The following POTEI variants were observed in gnomAD, a reference collection of about 807,000 sequenced individuals.
The protein encoded by POTEI is POTE ankyrin domain family member I, also known as POTE ankyrin domain family, member I.
In POTEI, 14 loss-of-function variants were observed where a neutral mutation model predicts 43.4. The observed-to-expected ratio is 0.32, with a 90% CI of 0.21 to 0.50. POTEI has a LOEUF of 0.50. POTEI is among the 20% of genes least tolerant of loss of function. POTEI has a pLI of 0.98. For missense variants in POTEI, 235 were observed against 795.4 expected, an observed-to-expected ratio of 0.30 and a Z score of 8.47; for synonymous variants, 95 against 297.9, an observed-to-expected ratio of 0.32 and a Z score of 7.01.
chr2:130,483,816 C>T (rs1213283741), intron 9 of POTEI, among the ~76,000 whole-genome samples: 7 of 150,294 alleles, frequency 4.7e-5, no homozygotes, highest in Non-Finnish European at 7.4e-5. Flanking sequence ...CTCCTGACCT[C>T]GTGATCCGCC....
chr2:130,468,610 C>T (rs1356074766), intron 13 of POTEI, among the ~76,000 whole-genome samples: 239 of 151,848 alleles, frequency 1.6e-3, no homozygotes, highest in African/African-American at 5.5e-3. Context: ...GAAACCGACC[C>T]CATGAGCCAA....
In POTEI at chr2:130,508,911, A is replaced by G. The variant is rs756198022; in HGVS notation, c.325T>C (p.Cys109Arg). ...ACGTTGCTCTTGCCGCTCCCCCTGC[A>G]GCAGGGGAAGCAGTGGCAGCACCAC... Reference protein sequence around the residue: ...GKWCCHCFPCCRGSGKSNVGA... With the variant: ...GKWCCHCFPCRRGSGKSNVGA... Residue 109 changes from cysteine (C) to arginine (R), a missense_variant, in exon 1 of 15, where the codon TGC (cysteine) becomes CGC (arginine). Cys to Arg is a radical substitution (Grantham distance 180, BLOSUM62 -3). Transcript: ENST00000451531. The G allele has an allele frequency of 2.5e-6, 4 of 1,594,104 alleles. No individual in the cohort carries two copies. The Admixed American group carries it at 6.9e-5, about 27-fold the overall frequency.
At chr2:130,487,941 T>A (rs1167363076) in intron 9 of POTEI, 91 bp downstream of exon 9, 1 of 574,452 alleles carries the variant, frequency 1.7e-6, no homozygotes, top group Non-Finnish European at 2.8e-6. Flanking sequence ...CTAGTAAAAC[T>A]ATAAAATTTG....
chr2:130,495,130 TTC>T (rs1369194758), intron 6 of POTEI, among the ~76,000 whole-genome samples: 4 of 48,146 alleles, frequency 8.3e-5, no homozygotes, highest in African/African-American at 1.8e-4. Flanking sequence ...AGAAAAATTC[TTC>T]TCTCTCTGCA....
intron 13 of POTEI, among the ~76,000 whole-genome samples, chr2:130,468,994 T>C (rs1376854587): frequency 6.7e-6 from 1 of 150,274 alleles, no homozygotes; most frequent in Non-Finnish European, 1.5e-5. Flanking sequence ...TATACATACA[T>C]GAACTGACAA....
intron 13 of POTEI, among the ~76,000 whole-genome samples, chr2:130,467,863 T>C (rs2579437): frequency 7.5e-4 from 105 of 139,276 alleles, no homozygotes; most frequent in African/African-American, 2.3e-3. Context: ...TATAAAAACA[T>C]GCTAAATATC....
At chr2:130,480,518 T>C (rs1001199789) in intron 10 of POTEI, among the ~76,000 whole-genome samples, 1 of 147,170 alleles carries the variant, frequency 6.8e-6, no homozygotes, top group Non-Finnish European at 1.5e-5. Context: ...AAACACACAA[T>C]CTCACTCCAT....
intron 13 of POTEI, among the ~76,000 whole-genome samples, chr2:130,468,847 T>C (rs1157687271): frequency 6.6e-5 from 10 of 152,202 alleles, no homozygotes; most frequent in Non-Finnish European, 1.5e-5. Context: ...AGTCAAAATA[T>C]AGAAAAAGCT....
intron 13 of POTEI, among the ~76,000 whole-genome samples, chr2:130,468,570 C>A (rs1387947331): frequency 6.6e-6 from 1 of 151,888 alleles, no homozygotes; most frequent in Non-Finnish European, 1.5e-5. Flanking sequence ...CTTGTGAGAA[C>A]TCACTCACTA....
At position 130,508,991 on chromosome 2, in the gene POTEI, G is replaced by C. The variant is rs543881434; in HGVS notation, c.245C>G (p.Thr82Ser). ...AGCGGAGTCGTCGTGGTCTCCAGAA[G>C]TGCCCACGTTGCTCTTGCCACTCCC... ...CRGSGKSNVG[T>S]SGDHDDSAMK... The change falls in exon 1 of 15, where the codon ACT becomes AGT. Residue 82 changes from threonine (T) to serine (S), a missense_variant. Thr to Ser is a moderately conservative substitution (Grantham distance 58). Transcript: ENST00000451531. 2.0e-6 allele frequency: 3 copies of C among 1,515,792 alleles called. No individual in the cohort carries two copies. Among genetic ancestry groups the C allele is most frequent in the Admixed American group, 3.5e-5 (2 of 57,188 alleles). The allele number at this position is 1,515,792 out of a possible 1,614,324, so 93.9% of individuals were successfully genotyped here.
chr2:130,462,272 G>T lies in POTEI; in HGVS notation c.*544C>A, dbSNP rs1356502725. On this transcript the variant is annotated 3_prime_UTR_variant, in exon 15 of 15. Transcript: ENST00000451531. Reference sequence around the variant, plus strand: ...CAACTCTCCTCAAGTCAGAGTACAGGTAAGCCCTGGCTGCCTCCAGCCACT... The same window carrying T: ...CAACTCTCCTCAAGTCAGAGTACAGTTAAGCCCTGGCTGCCTCCAGCCACT... 23 of 133,240 alleles carry T rather than the reference G, an allele frequency of 1.7e-4. No individual in the cohort carries two copies. The highest frequency in any genetic ancestry group is 8.6e-4 in the Admixed American group (11 of 12,824). The allele number at this position is 133,240 out of a possible 1,614,324, so 8.3% of individuals were successfully genotyped here. A position where few individuals can be genotyped will look rare whatever the true frequency, so the allele number is the denominator to read the frequency against.
Position 130,463,620 on chromosome 2 carries a change from G to C in POTEI, c.2424C>G (p.Ala808=). The change falls in exon 15 of 15, where the codon GCC becomes GCG. Residue 808 remains alanine, a synonymous_variant. Transcript: ENST00000451531. ...PEEHPILLTE[A]PLNPKANREK... ...CGCGGTTGGCCTTGGGGTTCAGGGGGGCCTCGGTCAGCAGGATGGGGTGCT... is the reference window on the plus strand; with the variant it reads ...CGCGGTTGGCCTTGGGGTTCAGGGGCGCCTCGGTCAGCAGGATGGGGTGCT... The C allele has an allele frequency of 1.2e-6, 2 of 1,606,478 alleles. No homozygotes were observed. The highest frequency in any genetic ancestry group is 1.1e-5 in the South Asian group (1 of 90,596).
At chr2:130,482,410 C>G (rs577856490) in intron 9 of POTEI, among the ~76,000 whole-genome samples, 1 of 150,422 alleles carries the variant, frequency 6.6e-6, no homozygotes, top group Non-Finnish European at 1.5e-5. Context: ...TTCTCTTAGG[C>G]TTAATGTCTT....
intron 10 of POTEI, among the ~76,000 whole-genome samples, chr2:130,478,973 GA>G (rs1207390666): frequency 9.1e-6 from 1 of 109,732 alleles, no homozygotes; most frequent in South Asian, 3.8e-4. Context: ...AACATGCATA[GA>G]AAAAAATTAG....
At chr2:130,492,886 TC>T (rs1321882931) in intron 6 of POTEI, among the ~76,000 whole-genome samples, 2 of 151,464 alleles carry the variant, frequency 1.3e-5, no homozygotes, top group Non-Finnish European at 2.9e-5. Flanking sequence ...GAGTCAGCAA[TC>T]TTTAGATTTC....
At chr2:130,508,629 A>T in intron 1 of POTEI, 86 bp downstream of exon 1, 2 of 670,328 alleles carry the variant, frequency 3.0e-6, no homozygotes, top group Non-Finnish European at 4.3e-6. Flanking sequence ...GAGGTGAGAA[A>T]GCCAGGTCCC....
chr2:130,508,936 C>G lies in POTEI; in HGVS notation c.300G>C (p.Lys100Asn), dbSNP rs1684252596. The G allele has an allele frequency of 1.9e-6, 3 of 1,588,474 alleles. No individual in the cohort carries two copies. The highest frequency in any genetic ancestry group is 2.6e-6 in the Non-Finnish European group (3 of 1,169,710). The change falls in exon 1 of 15, where the codon AAG becomes AAC. Residue 100 changes from lysine to asparagine, a missense_variant. Physicochemically the swap from Lys to Asn is moderately conservative, Grantham distance 94. Coordinates refer to ENST00000451531, the MANE Select transcript of POTEI (RefSeq NM_001277406.2). ...AMKTLRSKMG[K>N]WCCHCFPCCR... ...AGCAGGGGAAGCAGTGGCAGCACCA[C>G]TTGCCCATCTTGCTCCTGAGCGTCT...
At chr2:130,492,969 G>A (rs1385950924) in intron 6 of POTEI, among the ~76,000 whole-genome samples, 1 of 150,866 alleles carries the variant, frequency 6.6e-6, no homozygotes, top group African/African-American at 2.4e-5. Flanking sequence ...TTAAATACTA[G>A]CCTATACAAA....
chr2:130,508,877 C>A lies in POTEI; in HGVS notation c.359G>T (p.Trp120Leu), dbSNP rs763735505. 1 of 1,583,464 alleles carries A rather than the reference C, an allele frequency of 6.3e-7. No individual in the cohort carries two copies. The highest frequency in any genetic ancestry group is 2.4e-5 in the East Asian group (1 of 41,410). ...RGSGKSNVGA[W>L]GDYDDSAFVE... ...GAAGGCGCTGTCGTCGTAGTCTCCC[C>A]AAGCACCCACGTTGCTCTTGCCGCT... The change falls in exon 1 of 15, where the codon TGG (tryptophan) becomes TTG (leucine). Residue 120 changes from tryptophan to leucine, a missense_variant. Physicochemically the swap from Trp to Leu is moderately conservative, Grantham distance 61. Coordinates refer to ENST00000451531, the MANE Select transcript of POTEI (RefSeq NM_001277406.2).
Sources: allele counts gnomAD v4.1 joint callset (sites outside exome capture counted in the v4.1 genomes callset), GRCh38; gene constraint gnomAD v4.1.1; transcripts MANE v1.5; gene names NCBI Gene and HGNC (gene_info 2026-07-23, HGNC 2026-07-21).